The following ACCSL variants were observed in gnomAD, a reference collection of about 807,000 sequenced individuals.
ACCSL encodes the protein 1-aminocyclopropane-1-carboxylate synthase homolog (inactive) like.
Under a neutral mutation model 61.7 loss-of-function variants are expected in ACCSL, and 55 were observed. That is an observed-to-expected ratio of 0.89 (90% confidence interval 0.72 to 1.12). The LOEUF is 1.12. Among genes scored for constraint, ACCSL ranks in the 50% most tolerant of loss-of-function variants. The pLI is 0.00. For missense variants in ACCSL, 632 were observed against 698.0 expected, an observed-to-expected ratio of 0.91 and a Z score of 1.07; for synonymous variants, 258 against 264.3, an observed-to-expected ratio of 0.98 and a Z score of 0.23.
the ACCSL span, among the ~76,000 whole-genome samples, chr11:43,979,068 A>C: frequency 6.6e-6 from 1 of 152,124 alleles, no homozygotes; most frequent in East Asian, 1.9e-4. Context: ...TCCCTTCATA[A>C]ACAGGTTCTG....
In ACCSL at chr11:44,048,358, G is replaced by C. The variant is rs577211880; in HGVS notation, c.322G>C (p.Gly108Arg). The part of the protein sequence containing the change: ...SEDSRGDVRY[G>R]QRAQLSGQPD... ...GGACTCTAGGGGTGATGTCAGATAT[G>C]GGCAGAGGGCCCAACTCTCTGGGCA... Residue 108 changes from glycine (G) to arginine (R), a missense_variant, in exon 1 of 14, where the codon GGG (glycine) becomes CGG (arginine). Transcript: ENST00000378832. 11 of 1,614,100 alleles carry C rather than the reference G, an allele frequency of 6.8e-6. No individual in the cohort carries two copies. The African/African-American group carries it at 1.3e-4, about 20-fold the overall frequency.
At chr11:44,055,148 A>G in intron 8 of ACCSL, 54 bp from the exon 9 acceptor site, 2 of 1,301,894 alleles carry the variant, frequency 1.5e-6, no homozygotes, top group East Asian at 2.3e-5. Flanking sequence ...CATGCAAAGA[A>G]AAAAGATTAG....
the ACCSL span, among the ~76,000 whole-genome samples, chr11:44,038,143 G>A: frequency 1.2e-4 from 18 of 152,286 alleles, 1 homozygote; most frequent in South Asian, 3.3e-3. Context: ...GGATGGAGGA[G>A]GGGGAACTGC....
At chr11:43,992,501 G>A in the ACCSL span, among the ~76,000 whole-genome samples, 1 of 152,296 alleles carries the variant, frequency 6.6e-6, no homozygotes, top group African/African-American at 2.4e-5. Flanking sequence ...ATTACTGTGT[G>A]GCCTCAGCTG....
In ACCSL at chr11:44,058,562, C is replaced by T. The variant is rs566372928; in HGVS notation, c.1487C>T (p.Thr496Ile). ...INLKKYLDPC[T>I]FEEERLLYCR... ...CCTCCCTAGTACCTGGATCCCTGTACATTTGAAGAAGAACGGCTCCTCTAT... is the reference window on the plus strand; with the variant it reads ...CCTCCCTAGTACCTGGATCCCTGTATATTTGAAGAAGAACGGCTCCTCTAT... Residue 496 changes from threonine to isoleucine, a missense_variant, in exon 13 of 14, where the codon ACA (threonine) becomes ATA (isoleucine). Thr to Ile is a moderately conservative substitution (Grantham distance 89). Transcript: ENST00000378832. The T allele has an allele frequency of 1.9e-5, 31 of 1,614,020 alleles. No individual in the cohort carries two copies. The highest frequency in any genetic ancestry group is 9.3e-5 in the African/African-American group (7 of 75,050).
the ACCSL span, among the ~76,000 whole-genome samples, chr11:43,968,893 C>G: frequency 6.6e-6 from 1 of 152,088 alleles, no homozygotes; most frequent in East Asian, 1.9e-4. Flanking sequence ...CTCTATCAGC[C>G]CATGAGAAAC....
chr11:44,038,608 A>G, the ACCSL span, among the ~76,000 whole-genome samples: 2 of 152,016 alleles, frequency 1.3e-5, no homozygotes, highest in African/African-American at 4.8e-5. Flanking sequence ...GTTAGAGGGT[A>G]GAGTTAGAGG....
At chr11:44,022,809 G>T in the ACCSL span, among the ~76,000 whole-genome samples, 1 of 152,050 alleles carries the variant, frequency 6.6e-6, no homozygotes, top group African/African-American at 2.4e-5. Context: ...TCTTGTGATC[G>T]CTTTGTCTGG....
chr11:44,053,381 TCA>T (rs781746956), intron 7 of ACCSL, 23 bp from the exon 8 acceptor site: 29 of 1,603,976 alleles, frequency 1.8e-5, no homozygotes, highest in Non-Finnish European at 2.5e-5. Context: ...TTGTATTCAC[TCA>T]GTTATATTTG....
chr11:44,038,373 T>A, the ACCSL span, among the ~76,000 whole-genome samples: 11 of 152,158 alleles, frequency 7.2e-5, no homozygotes, highest in Admixed American at 1.3e-4. Flanking sequence ...GAACAAAGTA[T>A]GTGGGAACAT....
the ACCSL span, among the ~76,000 whole-genome samples, chr11:43,981,193 G>T: frequency 2.6e-5 from 4 of 152,186 alleles, no homozygotes; most frequent in Non-Finnish European, 4.4e-5. Flanking sequence ...GGGACCTCTG[G>T]GAGCTTGGGT....
At chr11:44,039,791 A>G in the ACCSL span, among the ~76,000 whole-genome samples, 13 of 152,394 alleles carry the variant, frequency 8.5e-5, no homozygotes, top group Admixed American at 5.9e-4. Context: ...AAGGCAGAGT[A>G]TTCTGGGGCT....
the ACCSL span, among the ~76,000 whole-genome samples, chr11:43,940,255 C>T: frequency 7.9e-5 from 12 of 152,210 alleles, no homozygotes; most frequent in South Asian, 2.1e-4. Flanking sequence ...GTTGGGATTA[C>T]GGGTGTGAGC....
At chr11:43,943,043 C>T in the ACCSL span, 1 of 1,497,370 alleles carries the variant, frequency 6.7e-7, no homozygotes, top group Non-Finnish European at 8.9e-7. The surrounding 1 kb of genome is among the most constrained non-coding windows in gnomAD (Gnocchi z 4.8). Context: ...CCGGCTGCGG[C>T]GGCCGCGCCA....
chr11:43,942,544 C>A, the ACCSL span: 1 of 262,532 alleles, frequency 3.8e-6, no homozygotes, highest in Non-Finnish European at 7.6e-6. Context: ...GCGCGGGGCG[C>A]GCACGCTTTA....
At chr11:43,963,029 C>T in the ACCSL span, among the ~76,000 whole-genome samples, 2 of 152,160 alleles carry the variant, frequency 1.3e-5, no homozygotes, top group African/African-American at 4.8e-5. Context: ...GCTTTCCTTT[C>T]CATATTCCTC....
At chr11:44,053,921 A>C (rs1459716682) in intron 8 of ACCSL, among the ~76,000 whole-genome samples, 1 of 152,224 alleles carries the variant, frequency 6.6e-6, no homozygotes, top group Non-Finnish European at 1.5e-5. Flanking sequence ...GTTATGTAAA[A>C]CTAACTGAAA....
At chr11:43,943,248 C>T in the ACCSL span, 1 of 1,522,342 alleles carries the variant, frequency 6.6e-7, no homozygotes, top group Non-Finnish European at 8.8e-7. The surrounding 1 kb of genome is among the most constrained non-coding windows in gnomAD (Gnocchi z 4.8). Context: ...AGCCTGGACT[C>T]CAGCGACTCC....
chr11:44,050,806 T>C (rs961498038), intron 3 of ACCSL, among the ~76,000 whole-genome samples, 184 bp downstream of exon 3: 3 of 151,740 alleles, frequency 2.0e-5, no homozygotes, highest in African/African-American at 7.3e-5. Flanking sequence ...ATAGTTATTC[T>C]GGTATAGTAG....
Sources: allele counts gnomAD v4.1 joint callset (sites outside exome capture counted in the v4.1 genomes callset), GRCh38; gene constraint gnomAD v4.1.1; non-coding constraint Gnocchi (gnomAD v3.1); transcripts MANE v1.5; gene names NCBI Gene and HGNC (gene_info 2026-07-23, HGNC 2026-07-21).